The following PRTG variants were observed in gnomAD, a reference collection of about 807,000 sequenced individuals.
PRTG encodes the protein protogenin, also known as immunoglobulin superfamily, DCC subclass, member 5.
In PRTG, 67 loss-of-function variants were observed where a neutral mutation model predicts 122.5. The observed-to-expected ratio is 0.55, with a 90% CI of 0.45 to 0.67. The LOEUF is 0.67. Among genes scored for constraint, PRTG ranks in the 30% least tolerant of loss-of-function variants. The pLI, the probability that PRTG is intolerant of heterozygous loss-of-function variation, is 0.00. For synonymous variants in PRTG, 554 were observed against 501.1 expected (o/e 1.11, Z -1.41); for missense variants, 1,435 against 1,415.4 (o/e 1.01, Z -0.22).
chr15:55,738,025 T>TACACACACACAC (rs869067847), intron 2 of PRTG, among the ~76,000 whole-genome samples: 7 of 95,688 alleles, frequency 7.3e-5, no homozygotes, highest in African/African-American at 2.8e-4. Flanking sequence ...TATATATATA[T>TACACACACACAC]ACACACACAC....
chr15:55,694,551 A>C (rs1389553070), intron 2 of PRTG, among the ~76,000 whole-genome samples: 1 of 152,186 alleles, frequency 6.6e-6, no homozygotes, highest in East Asian at 1.9e-4. Context: ...ATTTTATATC[A>C]AAACTTAGAA....
At chr15:55,679,888 A>G in intron 6 of PRTG, 166 bp downstream of exon 6, 1 of 601,744 alleles carries the variant, frequency 1.7e-6, no homozygotes, top group Non-Finnish European at 2.9e-6. Context: ...ATGATTCTAC[A>G]GTTATATTTT....
chr15:55,700,570 C>A (rs182367773), intron 2 of PRTG, among the ~76,000 whole-genome samples: 1 of 151,990 alleles, frequency 6.6e-6, no homozygotes, highest in African/African-American at 2.4e-5. Flanking sequence ...TCACTTGAAC[C>A]TAAGAGTTGG....
At chr15:55,703,587 G>T (rs923200671) in intron 2 of PRTG, among the ~76,000 whole-genome samples, 1 of 152,180 alleles carries the variant, frequency 6.6e-6, no homozygotes, top group African/African-American at 2.4e-5. Flanking sequence ...AAAATAAATA[G>T]GAACAGGTTG....
intron 2 of PRTG, among the ~76,000 whole-genome samples, chr15:55,710,194 A>AT (rs553372060): frequency 6.4e-4 from 97 of 152,338 alleles, no homozygotes; most frequent in African/African-American, 2.3e-3. Flanking sequence ...AATTTCAAAA[A>AT]TAAAAATAAA....
chr15:55,736,420 A>G (rs762146689), intron 2 of PRTG, among the ~76,000 whole-genome samples: 4 of 151,834 alleles, frequency 2.6e-5, no homozygotes, highest in Non-Finnish European at 5.9e-5. Context: ...TGTTTTTAAT[A>G]TATTTTTAAC....
chr15:55,733,772 C>A (rs1470136196), intron 2 of PRTG, among the ~76,000 whole-genome samples: 1 of 151,736 alleles, frequency 6.6e-6, no homozygotes, highest in Non-Finnish European at 1.5e-5. Context: ...GGCTGCAGGA[C>A]GCCGTGACTG....
chr15:55,693,762 A>T (rs1412614772), intron 2 of PRTG, among the ~76,000 whole-genome samples: 3 of 152,188 alleles, frequency 2.0e-5, no homozygotes, highest in African/African-American at 7.2e-5. Flanking sequence ...ATATATACAT[A>T]TACATATGTG....
chr15:55,697,579 G>T (rs2059638543), intron 2 of PRTG, among the ~76,000 whole-genome samples: 1 of 151,992 alleles, frequency 6.6e-6, no homozygotes, highest in Non-Finnish European at 1.5e-5. Flanking sequence ...GGTGCAACCT[G>T]TGTCTGGGTT....
At chr15:55,658,991 C>T (rs978729498) in intron 11 of PRTG, among the ~76,000 whole-genome samples, 28 of 152,166 alleles carry the variant, frequency 1.8e-4, no homozygotes, top group African/African-American at 6.5e-4. Context: ...ACTGTGTGCA[C>T]AGGTTTCATA....
chr15:55,650,550 C>A (rs1458076644), intron 11 of PRTG, among the ~76,000 whole-genome samples: 1 of 152,070 alleles, frequency 6.6e-6, no homozygotes, highest in Non-Finnish European at 1.5e-5. Flanking sequence ...GAGGGTCACA[C>A]AGAAAAGTGA....
At chr15:55,620,363 A>AGGTGG in intron 19 of PRTG, 97 bp from the exon 20 acceptor site, 5 of 1,531,412 alleles carry the variant, frequency 3.3e-6, no homozygotes, top group Non-Finnish European at 4.4e-6. Context: ...GGAGCACATC[A>AGGTGG]GAATTACCCG....
intron 18 of PRTG, among the ~76,000 whole-genome samples, chr15:55,621,569 G>T (rs2141707617): frequency 6.7e-6 from 1 of 149,928 alleles, no homozygotes; most frequent in South Asian, 2.1e-4. Flanking sequence ...TGAGGCAGGA[G>T]AATGGTGTGA....
At chr15:55,670,062 A>G (rs538601726) in intron 11 of PRTG, among the ~76,000 whole-genome samples, 15 of 152,346 alleles carry the variant, frequency 9.8e-5, no homozygotes, top group African/African-American at 2.6e-4. Context: ...AAAGTTGACT[A>G]TAGTTCAGAG....
intron 15 of PRTG, among the ~76,000 whole-genome samples, chr15:55,635,104 T>TGTGTGTGTGTGTGTG (rs773250114): frequency 1.1e-4 from 12 of 112,718 alleles, no homozygotes; most frequent in East Asian, 4.1e-4. Context: ...TGTGTGTGTG[T>TGTGTGTGTGTGTGTG]TTTTTGAGAC....
At chr15:55,654,397 G>T (rs562822678) in intron 11 of PRTG, among the ~76,000 whole-genome samples, 8 of 152,218 alleles carry the variant, frequency 5.3e-5, no homozygotes, top group African/African-American at 1.9e-4. Context: ...CGAGTAAAAT[G>T]GAGTGATCAT....
At chr15:55,700,075 TATG>T (rs987986376) in intron 2 of PRTG, among the ~76,000 whole-genome samples, 1 of 152,192 alleles carries the variant, frequency 6.6e-6, no homozygotes, top group African/African-American at 2.4e-5. Flanking sequence ...ATAAAGGAAG[TATG>T]ATAATGGCAA....
At position 55,619,899 on chromosome 15, in the gene PRTG, C is replaced by T. The variant is rs1202061873; in HGVS notation, c.*113G>A. The T allele has an allele frequency of 4.0e-6, 6 of 1,513,020 alleles. No homozygotes were observed. Among genetic ancestry groups the T allele is most frequent in the Non-Finnish European group, 5.3e-6 (6 of 1,124,240 alleles). 93.7% of individuals were successfully genotyped at this position (1,513,020 alleles called of 1,614,324 possible). A position where few individuals can be genotyped will look rare whatever the true frequency, so the allele number is the denominator to read the frequency against. The stretch of plus-strand genomic sequence containing the variant: ...TCATTTTTATCAAAGCATAGCATGG[C>T]AGATGGCGGCTGCAGAACTAAGGAG... On this transcript the variant is annotated 3_prime_UTR_variant, in exon 20 of 20. Transcript: ENST00000389286.
intron 2 of PRTG, among the ~76,000 whole-genome samples, chr15:55,717,614 T>C (rs2030646619): frequency 6.6e-6 from 1 of 152,240 alleles, no homozygotes; most frequent in African/African-American, 2.4e-5. Flanking sequence ...TAGTGAACTA[T>C]TATGTAGTGG....
Sources: gnomAD v4.1 joint callset for allele counts (sites outside exome capture counted in the v4.1 genomes callset) on GRCh38, gnomAD v4.1.1 for gene constraint, MANE v1.5 for transcripts, NCBI Gene and HGNC (gene_info 2026-07-23, HGNC 2026-07-21) for gene names.